Variants in FCHSD2 observed in about 807,000 individuals in gnomAD.
FCHSD2 encodes F-BAR and double SH3 domains protein 2.
FCHSD2 carries 38 observed loss-of-function variants against 108.1 expected under a neutral mutation model. That is an observed-to-expected ratio of 0.35 (90% CI 0.27 to 0.46). The LOEUF (loss-of-function observed/expected upper bound fraction) is 0.46. Ranked by LOEUF, FCHSD2 falls within the 20% of genes least tolerant of loss-of-function variation. FCHSD2 has a pLI of 1.00. For synonymous variants in FCHSD2, 279 were observed against 314.7 expected (o/e 0.89, Z 1.20); for missense variants, 751 against 897.8 (o/e 0.84, Z 2.09).
At chr11:73,025,482 C>T (rs1433695133) in intron 3 of FCHSD2, among the ~76,000 whole-genome samples, 1 of 151,744 alleles carries the variant, frequency 6.6e-6, no homozygotes, top group Non-Finnish European at 1.5e-5. Flanking sequence ...GGCACTGAGG[C>T]CTTTTGGAGG....
chr11:72,934,822 A>G (rs566718093), intron 8 of FCHSD2, among the ~76,000 whole-genome samples: 72 of 152,344 alleles, frequency 4.7e-4, no homozygotes, highest in Non-Finnish European at 8.5e-4. Context: ...CTTTTTGACT[A>G]TTGGACACAA....
chr11:73,026,066 C>T (rs1411052808), intron 3 of FCHSD2, among the ~76,000 whole-genome samples: 1 of 152,070 alleles, frequency 6.6e-6, no homozygotes, highest in East Asian at 1.9e-4. Flanking sequence ...ACTCTGTTCC[C>T]AGGCTCAATT....
intron 3 of FCHSD2, among the ~76,000 whole-genome samples, chr11:73,037,497 C>T (rs905073744): frequency 6.6e-6 from 1 of 152,144 alleles, no homozygotes; most frequent in African/African-American, 2.4e-5. Context: ...CATAATTATG[C>T]CCAAAATTAT....
At chr11:72,853,015 G>C (rs1244090517) in intron 13 of FCHSD2, among the ~76,000 whole-genome samples, 2 of 152,054 alleles carry the variant, frequency 1.3e-5, no homozygotes, top group Non-Finnish European at 2.9e-5. Context: ...AGGAGGGAGA[G>C]GATTAGAAAA....
chr11:73,027,677 A>G (rs1858260053), intron 3 of FCHSD2, among the ~76,000 whole-genome samples: 1 of 152,262 alleles, frequency 6.6e-6, no homozygotes, highest in South Asian at 2.1e-4. Flanking sequence ...AAATGTCTCC[A>G]GGGCATTTCA....
chr11:73,084,878 CTT>C lies in FCHSD2; in HGVS notation c.120-1140_120-1139del, dbSNP rs538501968. ...ACCTTGAATATCCTGAGTTTAAAGACTTTACCGTTATGTGCCAGGAATCGGTG... is the reference window on the plus strand; with the variant it reads ...ACCTTGAATATCCTGAGTTTAAAGACTACCGTTATGTGCCAGGAATCGGTG... On this transcript the variant is annotated intron_variant, in intron 2 of 19. Transcript: ENST00000409418. 6.7e-4 allele frequency among the ~76,000 whole-genome samples: 101 copies of C among 151,542 alleles called. 1 individual carries two copies. Among genetic ancestry groups the C allele is most frequent in the Non-Finnish European group, 1.3e-3 (87 of 67,952 alleles).
chr11:73,096,287 T>C (rs1048648573), intron 2 of FCHSD2, among the ~76,000 whole-genome samples: 2 of 143,988 alleles, frequency 1.4e-5, no homozygotes, highest in East Asian at 4.1e-4. Context: ...ACGTCTGTAA[T>C]CCCAGCACTT....
At chr11:73,075,758 T>C (rs149331331) in intron 3 of FCHSD2, among the ~76,000 whole-genome samples, 136 of 151,244 alleles carry the variant, frequency 9.0e-4, no homozygotes, top group Admixed American at 2.4e-3. Context: ...GAGTTTGCAG[T>C]GAGCCAAGAT....
intron 12 of FCHSD2, among the ~76,000 whole-genome samples, chr11:72,886,212 C>A (rs1018676867): frequency 6.6e-6 from 1 of 152,138 alleles, no homozygotes; most frequent in Non-Finnish European, 1.5e-5. Flanking sequence ...TGCACTATGT[C>A]TCAGGAGTGC....
chr11:72,994,135 A>G (rs1398352104), intron 5 of FCHSD2, among the ~76,000 whole-genome samples: 1 of 152,148 alleles, frequency 6.6e-6, no homozygotes, highest in African/African-American at 2.4e-5. Context: ...CTGGTCAGCT[A>G]TGTGGACCGA....
intron 8 of FCHSD2, chr11:72,940,879 A>G (rs891962573): frequency 2.2e-6 from 2 of 916,294 alleles, no homozygotes; most frequent in Non-Finnish European, 3.6e-6. Flanking sequence ...TTACACATAC[A>G]AATTTTTTGA....
At chr11:72,953,389 T>A (rs1334522573) in intron 8 of FCHSD2, among the ~76,000 whole-genome samples, 1 of 152,200 alleles carries the variant, frequency 6.6e-6, no homozygotes, top group African/African-American at 2.4e-5. Flanking sequence ...AATATCTACA[T>A]TTGGAAAATA....
chr11:73,034,571 C>T (rs922218361), intron 3 of FCHSD2, among the ~76,000 whole-genome samples: 2 of 152,186 alleles, frequency 1.3e-5, no homozygotes, highest in Admixed American at 6.5e-5. Context: ...TTAGGAACCA[C>T]ATCAATAAAA....
intron 3 of FCHSD2, among the ~76,000 whole-genome samples, chr11:73,047,975 G>A (rs1858807468): frequency 6.6e-6 from 1 of 152,014 alleles, no homozygotes; most frequent in Non-Finnish European, 1.5e-5. Context: ...ACAAATGGTG[G>A]AGCCATAATT....
At chr11:73,072,587 A>G (rs1315216295) in intron 3 of FCHSD2, among the ~76,000 whole-genome samples, 2 of 152,208 alleles carry the variant, frequency 1.3e-5, no homozygotes, top group Non-Finnish European at 2.9e-5. Context: ...TTTAAAAAGT[A>G]ATTTACAAAA....
At chr11:72,996,022 G>A (rs1441640651) in intron 5 of FCHSD2, among the ~76,000 whole-genome samples, 1 of 152,046 alleles carries the variant, frequency 6.6e-6, no homozygotes, top group African/African-American at 2.4e-5. Context: ...AGGTTATGTA[G>A]AAACATGAAC....
chr11:73,041,395 G>A (rs1332048357), intron 3 of FCHSD2, among the ~76,000 whole-genome samples: 1 of 152,054 alleles, frequency 6.6e-6, no homozygotes, highest in African/African-American at 2.4e-5. Context: ...ACAGTTTTTT[G>A]TTGTTGTTCT....
At chr11:73,119,174 T>C (rs1565099275) in intron 2 of FCHSD2, among the ~76,000 whole-genome samples, 1 of 151,928 alleles carries the variant, frequency 6.6e-6, no homozygotes, top group Non-Finnish European at 1.5e-5. Flanking sequence ...TAGTGGCACA[T>C]GCCTGTAGTC....
chr11:72,902,844 T>C (rs1855554541), intron 9 of FCHSD2, among the ~76,000 whole-genome samples: 1 of 152,194 alleles, frequency 6.6e-6, no homozygotes, highest in South Asian at 2.1e-4. Context: ...AAAATAAATT[T>C]GGAAAGTGAT....
Sources: allele counts gnomAD v4.1 joint callset (sites outside exome capture counted in the v4.1 genomes callset), GRCh38; gene constraint gnomAD v4.1.1; transcripts MANE v1.5; gene names NCBI Gene and HGNC (gene_info 2026-07-23, HGNC 2026-07-21).